The following NAV1 variants were observed in gnomAD, a reference collection of about 807,000 sequenced individuals.
NAV1 encodes the protein pore membrane and/or filament interacting like protein 3.
In NAV1, 18 loss-of-function variants were observed where a neutral mutation model predicts 175.2. The observed-to-expected ratio is 0.10, with a 90% confidence interval of 0.07 to 0.15. The LOEUF is 0.15. Ranked by LOEUF, NAV1 falls within the 10% of genes least tolerant of loss-of-function variation. NAV1 has a pLI of 1.00. For missense variants in NAV1, 1,731 were observed against 2,436.6 expected (o/e 0.71, Z 6.10); for synonymous variants, 897 against 978.7 (o/e 0.92, Z 1.56).
intron 2 of NAV1, among the ~76,000 whole-genome samples, chr1:201,639,126 G>GAGCAA (rs1163008717): frequency 1.3e-5 from 2 of 152,230 alleles, no homozygotes; most frequent in Non-Finnish European, 2.9e-5. Flanking sequence ...GAAAAGGGCA[G>GAGCAA]AGCAAAGCAA....
At chr1:201,611,540 G>C (rs577552919) in intron 2 of NAV1, among the ~76,000 whole-genome samples, 18 of 152,318 alleles carry the variant, frequency 1.2e-4, no homozygotes, top group Admixed American at 4.6e-4. Flanking sequence ...TAACTGGAGT[G>C]GGGGAGTCAC....
chr1:201,809,838 C>T (rs556804837), intron 22 of NAV1, 108 bp from the exon 27 acceptor site: 2 of 1,108,194 alleles, frequency 1.8e-6, no homozygotes, highest in East Asian at 4.8e-5. Flanking sequence ...AGCATATGCT[C>T]TGCACTTTCT....
intron 2 of NAV1, among the ~76,000 whole-genome samples, chr1:201,591,403 T>G (rs1378704754): frequency 6.6e-6 from 1 of 152,042 alleles, no homozygotes; most frequent in Non-Finnish European, 1.5e-5. Context: ...GAAGGGCTGT[T>G]CACACAACCT....
chr1:201,762,698 A>T (rs1197692922), intron 3 of NAV1, among the ~76,000 whole-genome samples: 1 of 152,164 alleles, frequency 6.6e-6, no homozygotes, highest in African/African-American at 2.4e-5. Context: ...CCTACTCTGG[A>T]CCCTTAAGCC....
exon 7 of NAV1, chr1:201,783,758 G>T: frequency 1.2e-6 from 2 of 1,613,924 alleles, no homozygotes; most frequent in Non-Finnish European, 1.7e-6. Flanking sequence ...CAGTACTCCC[G>T]TCCCCACCCC....
chr1:201,642,675 CCT>C (rs1036134745), intron 2 of NAV1, among the ~76,000 whole-genome samples: 2 of 117,516 alleles, frequency 1.7e-5, no homozygotes, highest in African/African-American at 3.7e-5. Flanking sequence ...TCCTTCCCTC[CCT>C]CTCTTTCTTC....
intron 1 of NAV1, among the ~76,000 whole-genome samples, chr1:201,695,624 G>A (rs554548070): frequency 1.3e-5 from 2 of 152,220 alleles, no homozygotes; most frequent in Non-Finnish European, 2.9e-5. Flanking sequence ...GGACCAATCC[G>A]AAGGTGCCTG....
At chr1:201,705,376 CA>C (rs1457167581) in intron 1 of NAV1, among the ~76,000 whole-genome samples, 1 of 152,196 alleles carries the variant, frequency 6.6e-6, no homozygotes, top group Non-Finnish European at 1.5e-5. Flanking sequence ...CCCATGTGGC[CA>C]ACACATTAGT....
At chr1:201,649,952 C>G (rs990767227) in intron 1 of NAV1, among the ~76,000 whole-genome samples, 2 of 152,046 alleles carry the variant, frequency 1.3e-5, no homozygotes, top group East Asian at 1.9e-4. Context: ...TCGGATTTCC[C>G]CGCGGTGTGA....
chr1:201,651,768 A>C (rs934130602), intron 1 of NAV1, among the ~76,000 whole-genome samples: 1 of 152,046 alleles, frequency 6.6e-6, no homozygotes, highest in Non-Finnish European at 1.5e-5. Flanking sequence ...CGATGACCCT[A>C]CAGAGGGCTG....
At chr1:201,576,504 G>A (rs1421493827) in intron 1 of NAV1, among the ~76,000 whole-genome samples, 1 of 152,114 alleles carries the variant, frequency 6.6e-6, no homozygotes, top group Non-Finnish European at 1.5e-5. Context: ...TAATCAGGAG[G>A]CTGATGGAGG....
chr1:201,776,514 G>A lies in NAV1; in HGVS notation c.1227-3907G>A, dbSNP rs184275749. ...AAATTAGCCAGGCATGGCAGCACGC[G>A]CCTGTAGTCTCAGCTACTCAGGAGG... On this transcript the variant is annotated intron_variant, in intron 3 of 29. Transcript: ENST00000367296. 4.6e-4 allele frequency among the ~76,000 whole-genome samples: 70 copies of A among 151,812 alleles called. 1 individual carries two copies. The highest frequency in any genetic ancestry group is 3.4e-3 in the Middle Eastern group (1 of 294).
chr1:201,801,818 G>A (rs1244769753), intron 15 of NAV1, among the ~76,000 whole-genome samples: 3 of 151,932 alleles, frequency 2.0e-5, no homozygotes, highest in Admixed American at 1.3e-4. Flanking sequence ...ATTATCTATG[G>A]CACAAAGGCA....
chr1:201,732,109 C>CT (rs930893634), intron 3 of NAV1, among the ~76,000 whole-genome samples: 68 of 147,674 alleles, frequency 4.6e-4, no homozygotes, highest in African/African-American at 9.6e-4. Context: ...CTCTCTCTCT[C>CT]TTTTTTTTTT....
chr1:201,643,482 T>C (rs1044616244), upstream of NAV1, among the ~76,000 whole-genome samples: 3 of 151,230 alleles, frequency 2.0e-5, no homozygotes, highest in African/African-American at 4.9e-5. Flanking sequence ...GGCACAGTAG[T>C]GCAACCTCAG....
intron 1 of NAV1, among the ~76,000 whole-genome samples, chr1:201,690,135 T>A (rs1279342464): frequency 9.4e-5 from 13 of 137,650 alleles, no homozygotes; most frequent in Admixed American, 8.6e-4. Flanking sequence ...CTCTCTGGCC[T>A]GTCCGTGGCA....
rs1481272039 is a variant in NAV1, at chr1:201,819,658, A to T, written c.5539-179A>T. 2.6e-5 allele frequency among the ~76,000 whole-genome samples: 4 copies of T among 151,580 alleles called. No individual in the cohort carries two copies. In the East Asian group the frequency reaches 7.7e-4, roughly 29 times the overall value. ...GCCAGTTTTTTATTGTTTTATTTTT[A>T]TTTTTTGGTAGAGTCAGGGTCTCTC... On this transcript the variant is annotated intron_variant, in intron 29 of 29. Transcript: ENST00000367296.
chr1:201,671,954 C>G (rs918406920), intron 1 of NAV1, among the ~76,000 whole-genome samples: 15 of 152,204 alleles, frequency 9.9e-5, no homozygotes, highest in African/African-American at 3.6e-4. Context: ...CTCTGCCATC[C>G]TGATCCTCCG....
intron 1 of NAV1, among the ~76,000 whole-genome samples, chr1:201,706,871 C>T (rs543024382): frequency 3.9e-5 from 6 of 152,278 alleles, no homozygotes; most frequent in African/African-American, 1.4e-4. Context: ...ATTTGACTGC[C>T]GGGTGATGGA....
Sources: allele counts gnomAD v4.1 joint callset (sites outside exome capture counted in the v4.1 genomes callset), GRCh38; gene constraint gnomAD v4.1.1; transcripts MANE v1.5; gene names NCBI Gene and HGNC (gene_info 2026-07-23, HGNC 2026-07-21).